ABRAXAS2: variants seen among roughly 807,000 people sequenced by gnomAD.
ABRAXAS2 encodes abraxas 2, BRISC complex subunit, also known as BRISC complex subunit Abraxas 2.
Under a neutral mutation model 49.0 loss-of-function variants are expected in ABRAXAS2, and 23 were observed. The observed-to-expected ratio is 0.47, with a 90% CI of 0.34 to 0.66. The LOEUF is 0.66. Among genes scored for constraint, ABRAXAS2 ranks in the 30% least tolerant of loss-of-function variants. ABRAXAS2 has a pLI of 0.01. For synonymous variants in ABRAXAS2, 168 were observed against 180.2 expected (o/e 0.93, Z 0.54); for missense variants, 443 against 511.9 (o/e 0.87, Z 1.30).
intron 2 of ABRAXAS2, among the ~76,000 whole-genome samples, chr10:124,809,685 T>C (rs553456276): frequency 3.9e-5 from 6 of 152,066 alleles, no homozygotes; most frequent in African/African-American, 1.2e-4. Flanking sequence ...GTAGGGTGCA[T>C]GCAGCCCATG....
intron 4 of ABRAXAS2, among the ~76,000 whole-genome samples, chr10:124,825,207 G>C (rs1332812731): frequency 1.3e-5 from 2 of 151,440 alleles, no homozygotes; most frequent in Non-Finnish European, 2.9e-5. Context: ...AATACCAGCT[G>C]CTCGGGAGGC....
intron 4 of ABRAXAS2, among the ~76,000 whole-genome samples, chr10:124,821,518 A>G (rs1950861390): frequency 6.6e-6 from 1 of 151,676 alleles, no homozygotes; most frequent in African/African-American, 2.4e-5. Context: ...GTGAGCTGAG[A>G]TTGCGCCACT....
chr10:124,833,224 T>C (rs1357689318), intron 8 of ABRAXAS2, among the ~76,000 whole-genome samples: 1 of 150,000 alleles, frequency 6.7e-6, no homozygotes, highest in Non-Finnish European at 1.5e-5. Context: ...CTCAGCACTT[T>C]GGGAGGCCGA....
rs566745089 is a variant in ABRAXAS2 at position 124,818,219 on chromosome 10, AC to A, written c.201-1161del. On this transcript the variant is annotated intron_variant, in intron 3 of 8. Coordinates refer to ENST00000298492, the MANE Select transcript of ABRAXAS2 (RefSeq NM_032182.4). Reference sequence around the variant, plus strand: ...AGACCATCCTGGTTAACACAGTAAAACCCCGTCTCTACTAAAAATACAAAAA... The same window carrying A: ...AGACCATCCTGGTTAACACAGTAAAACCCGTCTCTACTAAAAATACAAAAA... Among the ~76,000 whole-genome samples, 340 of 151,746 alleles carry A rather than the reference AC, an allele frequency of 2.2e-3. 1 individual carries two copies. Among genetic ancestry groups the A allele is most frequent in the African/African-American group, 7.9e-3 (328 of 41,336 alleles).
rs761398595 is a variant in ABRAXAS2, at chr10:124,835,016, C to T, written c.*45C>T. ...CACCTAGCACTGTTTTTCTTCATTG[C>T]TTACTGAGAGGGTTTTTGAGAACTT... On this transcript the variant is annotated 3_prime_UTR_variant, in exon 9 of 9. Coordinates refer to ENST00000298492, the MANE Select transcript of ABRAXAS2 (RefSeq NM_032182.4). 1.4e-6 allele frequency: 2 copies of T among 1,449,898 alleles called. No homozygotes were observed. The highest frequency in any genetic ancestry group is 1.9e-6 in the Non-Finnish European group (2 of 1,071,586). 89.8% of individuals were successfully genotyped at this position (1,449,898 alleles called of 1,614,324 possible).
chr10:124,824,592 C>T (rs573632979), intron 4 of ABRAXAS2, among the ~76,000 whole-genome samples: 3 of 151,506 alleles, frequency 2.0e-5, no homozygotes, highest in Non-Finnish European at 4.4e-5. Flanking sequence ...TAAAATAGTT[C>T]GAATTGGCAT....
At position 124,835,542 on chromosome 10, in the gene ABRAXAS2, C is replaced by T. The variant is rs1424565396; in HGVS notation, c.*571C>T. 1 of 152,206 alleles carries T rather than the reference C, an allele frequency of 6.6e-6. No homozygotes were observed. The highest frequency in any genetic ancestry group is 2.4e-5 in the African/African-American group (1 of 41,312). The allele number at this position is 152,206 out of a possible 1,614,324, so 9.4% of individuals were successfully genotyped here. On this transcript the variant is annotated 3_prime_UTR_variant, in exon 9 of 9. Transcript: ENST00000298492. ...GTGAGATAAAAGAGAGGGCTTCCAACTTTTTTCTACTAGCTTGATATGTAT... is the reference window on the plus strand; with the variant it reads ...GTGAGATAAAAGAGAGGGCTTCCAATTTTTTTCTACTAGCTTGATATGTAT...
intron 4 of ABRAXAS2, among the ~76,000 whole-genome samples, chr10:124,823,431 G>A (rs1184881993): frequency 2.7e-5 from 4 of 150,532 alleles, no homozygotes; most frequent in Admixed American, 1.3e-4. Flanking sequence ...GAATCCATAC[G>A]TGCTTACAAT....
chr10:124,823,969 GT>G (rs1950879626), intron 4 of ABRAXAS2, among the ~76,000 whole-genome samples: 1 of 152,140 alleles, frequency 6.6e-6, no homozygotes, highest in Non-Finnish European at 1.5e-5. Flanking sequence ...AGCCACCCTG[GT>G]ACAATGGCAT....
At chr10:124,827,034 A>C (rs1210700443) in intron 5 of ABRAXAS2, among the ~76,000 whole-genome samples, 2 of 149,014 alleles carry the variant, frequency 1.3e-5, no homozygotes, top group African/African-American at 2.5e-5. Flanking sequence ...CAGAGGTTGC[A>C]GTGAGCCAAG....
intron 7 of ABRAXAS2, among the ~76,000 whole-genome samples, 197 bp from the exon 8 acceptor site, chr10:124,831,152 A>T (rs1349373240): frequency 6.6e-6 from 1 of 152,246 alleles, no homozygotes; most frequent in Non-Finnish European, 1.5e-5. Flanking sequence ...TAGCATAATC[A>T]TCTTAAAATT....
chr10:124,823,040 A>G (rs1339033822), intron 4 of ABRAXAS2, among the ~76,000 whole-genome samples: 1 of 152,138 alleles, frequency 6.6e-6, no homozygotes, highest in Admixed American at 6.6e-5. Context: ...CTTTGCAATT[A>G]GTGATATGAG....
chr10:124,807,101 A>G (rs1029926046), intron 2 of ABRAXAS2, among the ~76,000 whole-genome samples, 180 bp downstream of exon 2: 2 of 150,854 alleles, frequency 1.3e-5, no homozygotes, highest in Non-Finnish European at 3.0e-5. Flanking sequence ...TCACGAGGTC[A>G]GGAGATCGAG....
chr10:124,835,445 A>G lies in ABRAXAS2; in HGVS notation c.*474A>G, dbSNP rs150656575. ...TGAGCCAAATTCATCTTTGCCAGAA[A>G]AGAAATTTTGATAATTCCAAGAAGC... On this transcript the variant is annotated 3_prime_UTR_variant, in exon 9 of 9. Coordinates refer to ENST00000298492, the MANE Select transcript of ABRAXAS2 (RefSeq NM_032182.4). 2 of 153,562 alleles carry G rather than the reference A, an allele frequency of 1.3e-5. No individual in the cohort carries two copies. The highest frequency in any genetic ancestry group is 1.9e-4 in the East Asian group (1 of 5,182). The allele number at this position is 153,562 out of a possible 1,614,324, so 9.5% of individuals were successfully genotyped here.
chr10:124,818,702 A>G (rs553040125), intron 3 of ABRAXAS2, among the ~76,000 whole-genome samples: 1 of 152,302 alleles, frequency 6.6e-6, no homozygotes, highest in Admixed American at 6.5e-5. Flanking sequence ...CATGTCCAGT[A>G]GTAGAGGAGG....
Position 124,826,759 on chromosome 10 carries a change from A to AT in ABRAXAS2, c.433dup (p.Tyr145LeufsTer8). On this transcript the variant is annotated frameshift_variant, in exon 5 of 9. Transcript: ENST00000298492. LOFTEE classifies it high-confidence loss of function. ...CCAACAATTCCACTCACGCTTTAGA[A>AT]TATGTGCTCTTCAGACCAAATAGAA... 1 of 1,614,172 alleles carries AT rather than the reference A, an allele frequency of 6.2e-7. No homozygotes were observed. Among genetic ancestry groups the AT allele is most frequent in the Non-Finnish European group, 8.5e-7 (1 of 1,180,020 alleles).
rs1950961350 is a variant in ABRAXAS2 at position 124,835,044 on chromosome 10, T to C, written c.*73T>C. 24 of 1,194,576 alleles carry C rather than the reference T, an allele frequency of 2.0e-5. No homozygotes were observed. The highest frequency in any genetic ancestry group is 1.3e-4 in the Admixed American group (5 of 39,924). The allele number at this position is 1,194,576 out of a possible 1,614,324, so 74.0% of individuals were successfully genotyped here. A position where few individuals can be genotyped will look rare whatever the true frequency, so the allele number is the denominator to read the frequency against. Reference sequence around the variant, plus strand: ...ACTGAGAGGGTTTTTGAGAACTTAATCTGGGGGGAGAACTGCTTTCTCAGA... The same window carrying C: ...ACTGAGAGGGTTTTTGAGAACTTAACCTGGGGGGAGAACTGCTTTCTCAGA... On this transcript the variant is annotated 3_prime_UTR_variant, in exon 9 of 9. Coordinates refer to ENST00000298492, the MANE Select transcript of ABRAXAS2 (RefSeq NM_032182.4).
At chr10:124,820,109 G>A (rs113799468) in intron 4 of ABRAXAS2, among the ~76,000 whole-genome samples, 4 of 152,200 alleles carry the variant, frequency 2.6e-5, no homozygotes, top group African/African-American at 7.2e-5. Context: ...ACAAAATGCC[G>A]TTGTTTAACA....
Position 124,819,271 on chromosome 10 carries a change from G to T in ABRAXAS2, c.201-113G>T, listed in dbSNP as rs969772369. 1.5e-5 allele frequency: 12 copies of T among 788,054 alleles called. No individual in the cohort carries two copies. In the African/African-American group the frequency reaches 1.7e-4, roughly 11 times the overall value. The allele number at this position is 788,054 out of a possible 1,614,324, so 48.8% of individuals were successfully genotyped here. A position where few individuals can be genotyped will look rare whatever the true frequency, so the allele number is the denominator to read the frequency against. On this transcript the variant is annotated intron_variant, in intron 3 of 8. Transcript: ENST00000298492. ...TCTCTTTATTCACCTGTGTAAACCT[G>T]TGTAAGGTGAGAAGTTAGGTCTTCA...
Sources: gnomAD v4.1 joint callset for allele counts (sites outside exome capture counted in the v4.1 genomes callset) on GRCh38, gnomAD v4.1.1 for gene constraint, MANE v1.5 for transcripts, NCBI Gene and HGNC (gene_info 2026-07-23, HGNC 2026-07-21) for gene names.